The following KCNN2 variants were observed in gnomAD, a reference collection of about 807,000 sequenced individuals.
The protein encoded by KCNN2 is potassium calcium-activated channel subfamily N member 2.
Under a neutral mutation model 55.5 loss-of-function variants are expected in KCNN2, and 24 were observed. The observed-to-expected ratio is 0.43, with a 90% confidence interval of 0.31 to 0.61. The LOEUF (loss-of-function observed/expected upper bound fraction) is 0.61. Among genes scored for constraint, KCNN2 ranks in the 20% least tolerant of loss-of-function variants. KCNN2 has a pLI of 0.08. For missense variants in KCNN2, 754 were observed against 853.6 expected, an observed-to-expected ratio of 0.88 and a Z score of 1.45; for synonymous variants, 431 against 336.1, an observed-to-expected ratio of 1.28 and a Z score of -3.09.
At chr5:114,235,930 A>G (rs1246192257) in intron 2 of KCNN2, among the ~76,000 whole-genome samples, 1 of 152,210 alleles carries the variant, frequency 6.6e-6, no homozygotes, top group Admixed American at 6.5e-5. Context: ...GGGGGAGAAA[A>G]CTAATCAGTA....
intron 2 of KCNN2, among the ~76,000 whole-genome samples, chr5:114,251,156 TTTCCGG>T: frequency 6.6e-6 from 1 of 152,300 alleles, no homozygotes; most frequent in South Asian, 2.1e-4. Flanking sequence ...GTGCAAGTGT[TTTCCGG>T]TTGGCCACAG....
chr5:114,162,320 A>G (rs780227610), intron 1 of KCNN2, among the ~76,000 whole-genome samples: 2 of 152,032 alleles, frequency 1.3e-5, no homozygotes, highest in East Asian at 1.9e-4. Flanking sequence ...AACAGCGGAT[A>G]TCGGTGAACC....
chr5:114,346,769 C>CAAAAAAAAAAAAAA (rs138308313), intron 2 of KCNN2, among the ~76,000 whole-genome samples: 1 of 136,114 alleles, frequency 7.3e-6, no homozygotes, highest in Non-Finnish European at 1.6e-5. Context: ...ATTCATTCTC[C>CAAAAAAAAAAAAAA]AAAAAAAAAA....
rs531030965 is a variant in KCNN2 at position 114,346,424 on chromosome 5, T to C, written c.-184-14521T>C. The stretch of plus-strand genomic sequence containing the variant: ...TGCTAGTGAGTAAATTTGTTTTCTG[T>C]CTGGGAATTACTAGCTATTCTGTAA... On this transcript the variant is annotated intron_variant, in intron 2 of 10. Transcript: ENST00000512097. 5.3e-5 allele frequency among the ~76,000 whole-genome samples: 8 copies of C among 152,264 alleles called. No homozygotes were observed. The South Asian group carries it at 1.7e-3, about 32-fold the overall frequency.
At chr5:114,311,029 T>C (rs1230431093) in intron 2 of KCNN2, among the ~76,000 whole-genome samples, 1 of 152,122 alleles carries the variant, frequency 6.6e-6, no homozygotes, top group Non-Finnish European at 1.5e-5. Context: ...GGACAATTTC[T>C]GGTGGGAGAA....
At chr5:114,455,078 ATG>A (rs1394139241) in intron 3 of KCNN2, among the ~76,000 whole-genome samples, 1 of 151,634 alleles carries the variant, frequency 6.6e-6, no homozygotes, top group East Asian at 1.9e-4. Context: ...TTCTTTTTCA[ATG>A]TGTTACTTCA....
chr5:114,371,830 T>TA (rs1757766557), intron 2 of KCNN2, among the ~76,000 whole-genome samples: 1 of 152,274 alleles, frequency 6.6e-6, no homozygotes, highest in Admixed American at 6.5e-5. Flanking sequence ...GTCAGAAACA[T>TA]ACCCAGCACT....
intron 2 of KCNN2, among the ~76,000 whole-genome samples, chr5:114,392,671 C>T (rs1479879884): frequency 6.6e-6 from 1 of 152,116 alleles, no homozygotes; most frequent in East Asian, 1.9e-4. Flanking sequence ...AAAGTCATCT[C>T]TCCCTTTCTG....
At chr5:114,227,384 G>A (rs1300607136) in intron 2 of KCNN2, among the ~76,000 whole-genome samples, 1 of 151,974 alleles carries the variant, frequency 6.6e-6, no homozygotes, top group Non-Finnish European at 1.5e-5. Flanking sequence ...CCCTAGATCC[G>A]CTTGCTTAAA....
upstream of KCNN2, among the ~76,000 whole-genome samples, chr5:114,361,729 G>A (rs899116479): frequency 6.6e-6 from 1 of 152,194 alleles, no homozygotes; most frequent in Admixed American, 6.5e-5. Flanking sequence ...CAAGGGGGCA[G>A]CGGCACGGGA....
At chr5:114,449,911 C>T (rs1268755295) in intron 3 of KCNN2, among the ~76,000 whole-genome samples, 4 of 29,424 alleles carry the variant, frequency 1.4e-4, no homozygotes, top group Non-Finnish European at 1.8e-4. Flanking sequence ...CACACACACG[C>T]GCGCGCTCGC....
At chr5:114,184,156 G>A (rs1753286624) in intron 1 of KCNN2, among the ~76,000 whole-genome samples, 2 of 152,100 alleles carry the variant, frequency 1.3e-5, no homozygotes, top group Non-Finnish European at 2.9e-5. Flanking sequence ...ACTGTGAAAG[G>A]CGAAGAGCAC....
intron 1 of KCNN2, among the ~76,000 whole-genome samples, chr5:114,164,260 C>A (rs1752860197): frequency 6.6e-6 from 1 of 152,022 alleles, no homozygotes; most frequent in South Asian, 2.1e-4. Flanking sequence ...AGGATGAGGA[C>A]AAATATTAAG....
At chr5:114,197,252 T>C (rs1006329182) in intron 1 of KCNN2, among the ~76,000 whole-genome samples, 8 of 152,208 alleles carry the variant, frequency 5.3e-5, no homozygotes, top group Non-Finnish European at 1.0e-4. Context: ...CTTAGCATAT[T>C]GGCTTTCCTG....
At chr5:114,136,815 A>G (rs1752183411) in intron 1 of KCNN2, among the ~76,000 whole-genome samples, 1 of 152,226 alleles carries the variant, frequency 6.6e-6, no homozygotes, top group Non-Finnish European at 1.5e-5. Flanking sequence ...TAATTATATT[A>G]AGTGAGAACC....
chr5:114,126,439 T>C (rs151142870), intron 1 of KCNN2, among the ~76,000 whole-genome samples: 11 of 152,188 alleles, frequency 7.2e-5, no homozygotes, highest in South Asian at 4.1e-4. Context: ...GTGCCCAGTA[T>C]AGGGGGAAGC....
At chr5:114,149,407 C>A (rs185747751) in intron 1 of KCNN2, among the ~76,000 whole-genome samples, 1 of 152,180 alleles carries the variant, frequency 6.6e-6, no homozygotes, top group Non-Finnish European at 1.5e-5. Context: ...TTCCTTATTC[C>A]TAGGCAGATC....
In KCNN2 at chr5:114,493,956, A is replaced by G. The variant is rs865916585; in HGVS notation, c.2088+484A>G. Among the ~76,000 whole-genome samples, 3 of 152,182 alleles carry G rather than the reference A, an allele frequency of 2.0e-5. No individual in the cohort carries two copies. In the South Asian group the frequency reaches 6.2e-4, roughly 31 times the overall value. On this transcript the variant is annotated intron_variant, in intron 7 of 7. Coordinates refer to ENST00000673685, the MANE Select transcript of KCNN2 (RefSeq NM_021614.4). ...ATCCTAGAATGAAAGTTATCACCCT[A>G]AAGTGATCACTTTTTTATGGTTCTT...
rs773304453 is a variant in KCNN2 at position 114,473,184 on chromosome 5, T to G, written c.1890+20T>G. 5 of 1,363,962 alleles carry G rather than the reference T, an allele frequency of 3.7e-6. No individual in the cohort carries two copies. In the Admixed American group the frequency reaches 7.0e-5, roughly 19 times the overall value. 84.5% of individuals were successfully genotyped at this position (1,363,962 alleles called of 1,614,324 possible). ...AAAAGAGTAAGTTACTATCCATATATCTTCAAAGAGAATATTATTGTGATT... is the reference window on the plus strand; with the variant it reads ...AAAAGAGTAAGTTACTATCCATATAGCTTCAAAGAGAATATTATTGTGATT... On this transcript the variant is annotated intron_variant, in intron 5 of 7. Coordinates refer to ENST00000673685, the MANE Select transcript of KCNN2 (RefSeq NM_021614.4).
Sources: gnomAD v4.1 joint callset for allele counts (sites outside exome capture counted in the v4.1 genomes callset) on GRCh38, gnomAD v4.1.1 for gene constraint, MANE v1.5 for transcripts, NCBI Gene and HGNC (gene_info 2026-07-23, HGNC 2026-07-21) for gene names.